Variants in VPS41 observed in about 807,000 individuals in gnomAD.
VPS41 encodes VPS41 subunit of HOPS complex.
A neutral mutation model predicts 130.9 loss-of-function variants in VPS41; 85 were observed. The observed-to-expected ratio is 0.65, with a 90% confidence interval of 0.55 to 0.78. The LOEUF is 0.78. VPS41 is among the 30% of genes least tolerant of loss of function. VPS41 has a pLI of 0.00. For synonymous variants in VPS41, 335 were observed against 332.9 expected, an observed-to-expected ratio of 1.01 and a Z score of -0.07; for missense variants, 874 against 1,018.7, an observed-to-expected ratio of 0.86 and a Z score of 1.93.
At position 38,725,672 on chromosome 7, in the gene VPS41, G is replaced by A. The variant is rs1300809847; in HGVS notation, c.*574C>T. ...GTGATTAGTAAACATAATGGTGCAG[G>A]ACATCAGCCTGCTAATGTTATTCCC... On this transcript the variant is annotated 3_prime_UTR_variant, in exon 29 of 29. Transcript: ENST00000310301. 2 of 152,958 alleles carry A rather than the reference G, an allele frequency of 1.3e-5. No individual in the cohort carries two copies. Among genetic ancestry groups the A allele is most frequent in the African/African-American group, 4.8e-5 (2 of 41,444 alleles). 9.5% of individuals were successfully genotyped at this position (152,958 alleles called of 1,614,324 possible).
At chr7:38,794,950 A>C (rs554424525) in intron 9 of VPS41, among the ~76,000 whole-genome samples, 18 of 152,294 alleles carry the variant, frequency 1.2e-4, no homozygotes, top group African/African-American at 4.1e-4. Context: ...TAAGGGTCAG[A>C]TAATTAAACT....
At chr7:38,895,143 A>G (rs1786953718) in intron 2 of VPS41, among the ~76,000 whole-genome samples, 1 of 152,120 alleles carries the variant, frequency 6.6e-6, no homozygotes, top group Admixed American at 6.5e-5. Context: ...CCAACATGGC[A>G]AAACCCCATC....
In VPS41 at chr7:38,909,170, G is replaced by T. The variant is rs1200200886; in HGVS notation, c.5C>A (p.Ala2Glu). 6.2e-6 allele frequency: 10 copies of T among 1,614,020 alleles called. No individual in the cohort carries two copies. The highest frequency in any genetic ancestry group is 6.8e-6 in the Non-Finnish European group (8 of 1,180,036). Residue 2 changes from alanine (A) to glutamate (E), a missense_variant, in exon 1 of 29, where the codon GCG (alanine) becomes GAG (glutamate). Transcript: ENST00000310301. ...ACCCTTTACCTGCTCCTCTGCTTCCGCCATGGCGCCACGGGAGAGTCACCT... is the reference window on the plus strand; with the variant it reads ...ACCCTTTACCTGCTCCTCTGCTTCCTCCATGGCGCCACGGGAGAGTCACCT... M[A>E]EAEEQETGSL...
At position 38,844,794 on chromosome 7, in the gene VPS41, G is replaced by A. The variant is rs73357785; in HGVS notation, c.247-14466C>T. Among the ~76,000 whole-genome samples the A allele has an allele frequency of 4.8e-3, 729 of 152,130 alleles. 4 individuals are homozygous for A. The highest frequency in any genetic ancestry group is 0.01 in the African/African-American group (426 of 41,490). On this transcript the variant is annotated intron_variant, in intron 4 of 28. Coordinates refer to ENST00000310301, the MANE Select transcript of VPS41 (RefSeq NM_014396.4). ...GCATTTATATGCTGTAAACTTATGA[G>A]ACCATAGAAAATGACCATTTGCAAC...
intron 4 of VPS41, among the ~76,000 whole-genome samples, chr7:38,836,539 A>G (rs1254400456): frequency 6.6e-6 from 1 of 152,130 alleles, no homozygotes; most frequent in African/African-American, 2.4e-5. Context: ...CTGATTTATA[A>G]GAAGTAATTA....
At chr7:38,870,738 TCAA>T (rs1475850263) in intron 2 of VPS41, among the ~76,000 whole-genome samples, 34 of 68,470 alleles carry the variant, frequency 5.0e-4, no homozygotes, top group African/African-American at 7.8e-4. Flanking sequence ...GACTATATGT[TCAA>T]AAAAAAAAAA....
At chr7:38,823,539 T>C (rs1181901695) in intron 5 of VPS41, among the ~76,000 whole-genome samples, 1 of 152,232 alleles carries the variant, frequency 6.6e-6, no homozygotes, top group Non-Finnish European at 1.5e-5. Context: ...TAGGACTACT[T>C]AAACTTTCAA....
In VPS41 at chr7:38,862,616, C is replaced by A; in HGVS notation, c.175G>T (p.Ala59Ser). ...ACCTTGCCATAATGTGTGCCCAATG[C>A]CAAAAACTGTAAGAAGAACAAAGAG... ...SCMTVHDKFL[A>S]LGTHYGKVYL... The change falls in exon 4 of 29, where the codon GCA becomes TCA. Residue 59 changes from alanine to serine, a missense_variant. Transcript: ENST00000310301. The A allele has an allele frequency of 1.2e-6, 2 of 1,602,416 alleles. No individual in the cohort carries two copies. The highest frequency in any genetic ancestry group is 1.3e-5 in the African/African-American group (1 of 74,448).
intron 10 of VPS41, among the ~76,000 whole-genome samples, chr7:38,784,232 G>C (rs1784399470): frequency 6.6e-6 from 1 of 152,200 alleles, no homozygotes; most frequent in African/African-American, 2.4e-5. Context: ...TTATTTTAGA[G>C]AGGGAAGGAG....
At chr7:38,832,138 AT>A (rs1240818634) in intron 4 of VPS41, among the ~76,000 whole-genome samples, 2 of 150,708 alleles carry the variant, frequency 1.3e-5, no homozygotes, top group African/African-American at 2.4e-5. Flanking sequence ...TCTCTTACTC[AT>A]TTTTTTCTAT....
intron 22 of VPS41, among the ~76,000 whole-genome samples, chr7:38,746,566 G>A (rs187723696): frequency 3.9e-5 from 6 of 152,208 alleles, no homozygotes; most frequent in African/African-American, 1.4e-4. Context: ...AGGGCCATGT[G>A]TACAGAGGAG....
intron 4 of VPS41, among the ~76,000 whole-genome samples, chr7:38,849,272 G>A (rs1785797538): frequency 6.6e-6 from 1 of 152,086 alleles, no homozygotes; most frequent in African/African-American, 2.4e-5. Flanking sequence ...GCATCTAGGG[G>A]TGAATGTTTA....
chr7:38,850,491 ATAACT>A (rs1785830617), intron 4 of VPS41, among the ~76,000 whole-genome samples: 1 of 152,228 alleles, frequency 6.6e-6, no homozygotes, highest in Non-Finnish European at 1.5e-5. Context: ...AAGCTTTTAA[ATAACT>A]TAAAGATCAA....
At position 38,847,692 on chromosome 7, in the gene VPS41, G is replaced by C. The variant is rs146659064; in HGVS notation, c.246+14853C>G. 9.6e-3 allele frequency among the ~76,000 whole-genome samples: 1,465 copies of C among 152,096 alleles called. 6 individuals carry two copies. Among genetic ancestry groups the C allele is most frequent in the Non-Finnish European group, 0.015 (989 of 67,998 alleles). ...CAGAGCTTTCTGAACATCTCAGCAG[G>C]GCCCATAAATATCCCTGTTTAAGTT... On this transcript the variant is annotated intron_variant, in intron 4 of 28. Transcript: ENST00000310301.
chr7:38,771,156 G>T, intron 14 of VPS41, 42 bp downstream of exon 14: 1 of 1,385,266 alleles, frequency 7.2e-7, no homozygotes, highest in Non-Finnish European at 1.0e-6. Flanking sequence ...ATAACTTATT[G>T]AAAGATAAAA....
Position 38,776,793 on chromosome 7 carries a change from T to C in VPS41, c.785-17A>G, listed in dbSNP as rs1207559216. The stretch of plus-strand genomic sequence containing the variant: ...ACTGAGACACTGCAAACAAAAGGGA[T>C]ACAGGAGTCATCATCAACAGGGGCA... On this transcript the variant is annotated splice_polypyrimidine_tract_variant and intron_variant, in intron 10 of 28. Transcript: ENST00000310301. 5.4e-6 allele frequency: 8 copies of C among 1,484,096 alleles called. No individual in the cohort carries two copies. Among genetic ancestry groups the C allele is most frequent in the Non-Finnish European group, 5.6e-6 (6 of 1,062,986 alleles). The allele number at this position is 1,484,096 out of a possible 1,614,324, so 91.9% of individuals were successfully genotyped here. A position where few individuals can be genotyped will look rare whatever the true frequency, so the allele number is the denominator to read the frequency against.
rs150192511 is a variant in VPS41 at position 38,805,827 on chromosome 7, A to G, written c.451-8963T>C. Among the ~76,000 whole-genome samples, 332 of 152,314 alleles carry G rather than the reference A, an allele frequency of 2.2e-3. 7 individuals are homozygous for G. The East Asian group carries it at 0.048, about 22-fold the overall frequency. Reference sequence around the variant, plus strand: ...TAAAGCCTCATTTAGACTCCTATATAATGCCTCCCTGGGAACAACAATAAT... The same window carrying G: ...TAAAGCCTCATTTAGACTCCTATATGATGCCTCCCTGGGAACAACAATAAT... On this transcript the variant is annotated intron_variant, in intron 7 of 28. Coordinates refer to ENST00000310301, the MANE Select transcript of VPS41 (RefSeq NM_014396.4).
At chr7:38,739,850 T>G (rs1795848605) in intron 25 of VPS41, among the ~76,000 whole-genome samples, 1 of 152,228 alleles carries the variant, frequency 6.6e-6, no homozygotes, top group African/African-American at 2.4e-5. Flanking sequence ...TTACATATCT[T>G]AAGGAAAAGC....
At chr7:38,732,722 G>A (rs1211987055) in intron 25 of VPS41, among the ~76,000 whole-genome samples, 2 of 152,094 alleles carry the variant, frequency 1.3e-5, no homozygotes, top group Non-Finnish European at 2.9e-5. Context: ...ACGTAATGCT[G>A]GTATTAGGGT....
Sources: allele counts gnomAD v4.1 joint callset (sites outside exome capture counted in the v4.1 genomes callset), GRCh38; gene constraint gnomAD v4.1.1; transcripts MANE v1.5; gene names NCBI Gene and HGNC (gene_info 2026-07-23, HGNC 2026-07-21).